The following ANKRD26 variants were observed in gnomAD, a reference collection of about 807,000 sequenced individuals.
ANKRD26 encodes ankyrin repeat domain 26.
A neutral mutation model predicts 208.7 loss-of-function variants in ANKRD26; 141 were observed. The ratio of observed to expected loss-of-function variants is 0.68; its 90% CI spans 0.59 to 0.78. The LOEUF (loss-of-function observed/expected upper bound fraction) is 0.78, where lower values mean the gene tolerates loss of function less well. ANKRD26 is among the 30% of genes least tolerant of loss of function. The pLI, the probability that ANKRD26 is intolerant of heterozygous loss-of-function variation, is 0.00. For missense variants in ANKRD26, 1,889 were observed against 1,938.7 expected, an observed-to-expected ratio of 0.97 and a Z score of 0.48; for synonymous variants, 636 against 660.4, an observed-to-expected ratio of 0.96 and a Z score of 0.57.
chr10:27,080,135 C>T (rs1234644681), intron 6 of ANKRD26: 8 of 262,184 alleles, frequency 3.1e-5, no homozygotes, highest in Non-Finnish European at 4.7e-5. Flanking sequence ...CCAGCCTGGG[C>T]AACAGTGCAA....
chr10:27,051,854 A>C, intron 16 of ANKRD26: 1 of 985,382 alleles, frequency 1.0e-6, no homozygotes, highest in Non-Finnish European at 1.2e-6. Flanking sequence ...CCCCAGGAGA[A>C]GCAGTAATTT....
At chr10:26,979,926 T>C (rs2052282511) in intron 5 of ANKRD26, among the ~76,000 whole-genome samples, 2 of 87,004 alleles carry the variant, frequency 2.3e-5, no homozygotes, top group South Asian at 6.4e-4. Flanking sequence ...TCTGGCAGTC[T>C]TTTGTTTTTT....
At chr10:27,050,967 T>G in intron 16 of ANKRD26, 1 of 935,622 alleles carries the variant, frequency 1.1e-6, no homozygotes, top group Non-Finnish European at 1.4e-6. Flanking sequence ...GTAACACCAT[T>G]TTATACATGA....
At chr10:26,947,745 T>C in the ANKRD26 span, among the ~76,000 whole-genome samples, 7 of 152,168 alleles carry the variant, frequency 4.6e-5, no homozygotes, top group African/African-American at 1.7e-4. Flanking sequence ...GCTAAATATG[T>C]TAGAAAATTA....
rs745804634 is a variant in ANKRD26 at position 27,024,507 on chromosome 10, A to C, written c.4025T>G (p.Leu1342Arg). The change falls in exon 28 of 34, where the codon CTG becomes CGG. Residue 1342 changes from leucine (L) to arginine (R), a missense_variant. Leu to Arg is a moderately radical substitution (Grantham distance 102). Coordinates refer to ENST00000376087, the MANE Select transcript of ANKRD26 (RefSeq NM_014915.3). The stretch of plus-strand genomic sequence containing the variant: ...CATTTCTTGATCCAAATTACATTCC[A>C]GTGACTGTTTTAATTCCATAAGTTT... The part of the protein sequence containing the change: ...LKKLMELKQS[L>R]ECNLDQEMKK... 3.1e-6 allele frequency: 5 copies of C among 1,587,658 alleles called. No homozygotes were observed. Among genetic ancestry groups the C allele is most frequent in the Admixed American group, 1.7e-5 (1 of 59,712 alleles).
At chr10:27,089,868 T>A (rs951871936) in intron 4 of ANKRD26, among the ~76,000 whole-genome samples, 2 of 151,266 alleles carry the variant, frequency 1.3e-5, no homozygotes, top group African/African-American at 2.4e-5. Context: ...GATTTCTGGC[T>A]GATGAAGTAG....
chr10:27,028,462 T>C (rs2053746616), intron 27 of ANKRD26, among the ~76,000 whole-genome samples: 1 of 150,616 alleles, frequency 6.6e-6, no homozygotes, highest in African/African-American at 2.4e-5. Flanking sequence ...CCGGGTGTGG[T>C]GGCGGGCTCC....
downstream of ANKRD26, among the ~76,000 whole-genome samples, chr10:26,971,055 A>G (rs2052134836): frequency 6.6e-6 from 1 of 152,198 alleles, no homozygotes; most frequent in Admixed American, 6.5e-5. Flanking sequence ...GTTGAGAAGA[A>G]ATTAAAAAGT....
At chr10:27,028,635 T>C (rs2053759919) in intron 27 of ANKRD26, among the ~76,000 whole-genome samples, 1 of 145,768 alleles carries the variant, frequency 6.9e-6, no homozygotes, top group Admixed American at 6.9e-5. Flanking sequence ...AGGCTACATA[T>C]ATAAGGTATA....
chr10:27,036,283 G>A (rs1329567295), intron 23 of ANKRD26, among the ~76,000 whole-genome samples: 1 of 151,446 alleles, frequency 6.6e-6, no homozygotes. Flanking sequence ...TCTAGGCATT[G>A]TACTAAGCAC....
At chr10:27,067,031 T>C (rs961158686) in intron 10 of ANKRD26, 126 bp downstream of exon 10, 4 of 1,046,652 alleles carry the variant, frequency 3.8e-6, no homozygotes, top group Non-Finnish European at 5.8e-6. Flanking sequence ...GGTCTCGAAC[T>C]CCTGACCTCA....
At chr10:27,090,141 G>T (rs538059929) in intron 4 of ANKRD26, among the ~76,000 whole-genome samples, 1 of 152,076 alleles carries the variant, frequency 6.6e-6, no homozygotes, top group Admixed American at 6.6e-5. Flanking sequence ...GGCATGAGGG[G>T]TGTTCTAAAA....
intron 6 of ANKRD26, among the ~76,000 whole-genome samples, chr10:27,080,452 TATTAAAAC>T (rs1003760079): frequency 3.3e-5 from 5 of 152,162 alleles, no homozygotes; most frequent in Non-Finnish European, 7.4e-5. Context: ...ACCCCAGAAA[TATTAAAAC>T]ATTAAAAGTT....
At chr10:26,980,507 A>C (rs1225598926) in intron 5 of ANKRD26, among the ~76,000 whole-genome samples, 3 of 152,160 alleles carry the variant, frequency 2.0e-5, no homozygotes, top group Non-Finnish European at 4.4e-5. Flanking sequence ...GAGTCAGGAA[A>C]TTTTTTAACT....
chr10:27,032,634 T>C (rs1380333283), intron 25 of ANKRD26, among the ~76,000 whole-genome samples: 1 of 128,690 alleles, frequency 7.8e-6, no homozygotes, highest in African/African-American at 3.1e-5. Context: ...AGACTCTGTC[T>C]CAAAAAAAAA....
chr10:27,031,184 G>C (rs750498404), intron 25 of ANKRD26, among the ~76,000 whole-genome samples: 8 of 152,176 alleles, frequency 5.3e-5, no homozygotes, highest in Non-Finnish European at 8.8e-5. Flanking sequence ...AAAGCAGCCT[G>C]ATTAACTCTG....
chr10:26,970,413 G>A (rs1006937570), downstream of ANKRD26, among the ~76,000 whole-genome samples: 35 of 152,218 alleles, frequency 2.3e-4, no homozygotes, highest in Non-Finnish European at 3.4e-4. Context: ...TCTAGCTAGT[G>A]AGTGACTTCT....
intron 20 of ANKRD26, among the ~76,000 whole-genome samples, chr10:27,041,041 A>G (rs1042204502): frequency 2.0e-5 from 3 of 151,866 alleles, no homozygotes; most frequent in African/African-American, 7.3e-5. Context: ...AGAAAAAAAA[A>G]AAAAAGAAAA....
intron 9 of ANKRD26, among the ~76,000 whole-genome samples, chr10:27,072,278 G>T (rs528313459): frequency 6.6e-6 from 1 of 152,236 alleles, no homozygotes; most frequent in South Asian, 2.1e-4. Flanking sequence ...TGCCAAGCCC[G>T]TGCTGCATGA....
Sources: allele counts gnomAD v4.1 joint callset (sites outside exome capture counted in the v4.1 genomes callset), GRCh38; gene constraint gnomAD v4.1.1; transcripts MANE v1.5; gene names NCBI Gene and HGNC (gene_info 2026-07-23, HGNC 2026-07-21).